MAP2K6: variants seen among roughly 807,000 people sequenced by gnomAD.
The protein encoded by MAP2K6 is dual specificity mitogen-activated protein kinase kinase 6.
A neutral mutation model predicts 53.7 loss-of-function variants in MAP2K6; 16 were observed. The observed-to-expected ratio is 0.30, with a 90% confidence interval of 0.20 to 0.45. The LOEUF is 0.45. Among genes scored for constraint, MAP2K6 ranks in the 20% least tolerant of loss-of-function variants. The pLI, the probability that MAP2K6 is intolerant of heterozygous loss-of-function variation, is 1.00. For missense variants in MAP2K6, 204 were observed against 411.9 expected, an observed-to-expected ratio of 0.50 and a Z score of 4.37; for synonymous variants, 132 against 143.1, an observed-to-expected ratio of 0.92 and a Z score of 0.55.
chr17:69,467,806 G>GT (rs1319349731), intron 1 of MAP2K6, among the ~76,000 whole-genome samples: 1 of 151,658 alleles, frequency 6.6e-6, no homozygotes, highest in Non-Finnish European at 1.5e-5. Context: ...GTCTCACTCT[G>GT]TCACTCAGGC....
At chr17:69,427,839 G>A (rs1458265203) in intron 1 of MAP2K6, among the ~76,000 whole-genome samples, 1 of 152,210 alleles carries the variant, frequency 6.6e-6, no homozygotes. Context: ...GAAAGTAGAG[G>A]AAAACAATGC....
At chr17:69,523,695 C>T in intron 8 of MAP2K6, 54 bp downstream of exon 8, 1 of 1,595,894 alleles carries the variant, frequency 6.3e-7, no homozygotes, top group East Asian at 2.2e-5. Context: ...ACAAATCATG[C>T]TGGGAAACAA....
At position 69,545,382 on chromosome 17, in the gene MAP2K6, C is replaced by T. The variant is rs1256847161; in HGVS notation, c.*3629C>T. 2 of 152,320 alleles carry T rather than the reference C, an allele frequency of 1.3e-5. No homozygotes were observed. The highest frequency in any genetic ancestry group is 2.1e-4 in the South Asian group (1 of 4,830). The allele number at this position is 152,320 out of a possible 1,614,324, so 9.4% of individuals were successfully genotyped here. The stretch of plus-strand genomic sequence containing the variant: ...GGGAATAATCTATTTTTTCTAAAGA[C>T]TGTGTTTGGTCACACTGATTTAATC... On this transcript the variant is annotated 3_prime_UTR_variant, in exon 12 of 12. Transcript: ENST00000590474.
At chr17:69,428,906 T>C (rs1906360251) in intron 1 of MAP2K6, among the ~76,000 whole-genome samples, 2 of 141,238 alleles carry the variant, frequency 1.4e-5, no homozygotes, top group Non-Finnish European at 3.0e-5. Context: ...TGGATGGTTC[T>C]AAACTGGGGT....
chr17:69,475,277 T>G (rs1908111345), intron 1 of MAP2K6, among the ~76,000 whole-genome samples: 1 of 149,760 alleles, frequency 6.7e-6, no homozygotes, highest in Non-Finnish European at 1.5e-5. Context: ...CACGCCATTC[T>G]CCTGCCTCAG....
rs1227657353 is a variant in MAP2K6 at position 69,553,631 on chromosome 17, G to A, written c.*11878G>A. The stretch of plus-strand genomic sequence containing the variant: ...TAAAACTTCACACCGTGTGTGTTGT[G>A]TTCAATGTTGTGTCAATCTACAAAC... On this transcript the variant is annotated 3_prime_UTR_variant, in exon 12 of 12. Transcript: ENST00000590474. The A allele has an allele frequency of 6.6e-6, 1 of 152,172 alleles. No homozygotes were observed. The highest frequency in any genetic ancestry group is 2.4e-5 in the African/African-American group (1 of 41,424). 9.4% of individuals were successfully genotyped at this position (152,172 alleles called of 1,614,324 possible).
At chr17:69,456,228 G>A (rs182521236) in intron 1 of MAP2K6, among the ~76,000 whole-genome samples, 34 of 152,254 alleles carry the variant, frequency 2.2e-4, no homozygotes, top group African/African-American at 8.2e-4. Flanking sequence ...CCTGTTTAGT[G>A]GACCTTCTAG....
chr17:69,526,647 G>A lies in MAP2K6; in HGVS notation c.819G>A (p.Glu273=), dbSNP rs74734606. 6.2e-7 allele frequency: 1 copy of A among 1,613,918 alleles called. No individual in the cohort carries two copies. The highest frequency in any genetic ancestry group is 8.5e-7 in the Non-Finnish European group (1 of 1,180,026). Residue 273 remains glutamate (E), a synonymous_variant, in exon 10 of 12, where the codon GAG becomes GAA. Transcript: ENST00000590474. ...AGCAGCTCAAACAGGTGGTAGAGGA[G>A]CCATCGCCACAACTCCCAGCAGACA... ...PFQQLKQVVE[E]PSPQLPADKF...
At chr17:69,450,241 C>G (rs756716300) in intron 1 of MAP2K6, among the ~76,000 whole-genome samples, 2 of 152,076 alleles carry the variant, frequency 1.3e-5, no homozygotes, top group Admixed American at 6.6e-5. Context: ...GCCTAAGCCA[C>G]CACACCTGGC....
rs974230258 is a variant in MAP2K6, at chr17:69,552,424, G to T, written c.*10671G>T. The T allele has an allele frequency of 6.6e-6, 1 of 152,234 alleles. No homozygotes were observed. The highest frequency in any genetic ancestry group is 1.5e-5 in the Non-Finnish European group (1 of 68,072). The allele number at this position is 152,234 out of a possible 1,614,324, so 9.4% of individuals were successfully genotyped here. A position where few individuals can be genotyped will look rare whatever the true frequency, so the allele number is the denominator to read the frequency against. Reference sequence around the variant, plus strand: ...TTGAGGCTCCCATCTTTCCTGCCAGGTGCAGCTTTTTCTGGTTGGAATCAT... The same window carrying T: ...TTGAGGCTCCCATCTTTCCTGCCAGTTGCAGCTTTTTCTGGTTGGAATCAT... On this transcript the variant is annotated 3_prime_UTR_variant, in exon 12 of 12. Coordinates refer to ENST00000590474, the MANE Select transcript of MAP2K6 (RefSeq NM_002758.4).
chr17:69,502,763 C>A, intron 1 of MAP2K6: 1 of 921,576 alleles, frequency 1.1e-6, no homozygotes, highest in Non-Finnish European at 1.3e-6. Flanking sequence ...CAAAGGCCTT[C>A]TCCTCCCACT....
At chr17:69,510,455 A>T (rs1201550399) in intron 2 of MAP2K6, among the ~76,000 whole-genome samples, 1 of 152,182 alleles carries the variant, frequency 6.6e-6, no homozygotes, top group Non-Finnish European at 1.5e-5. Flanking sequence ...TAGTTTTAGT[A>T]TTAAGGTAAT....
At chr17:69,477,699 G>T (rs1908200136) in intron 1 of MAP2K6, 1 of 152,160 alleles carries the variant, frequency 6.6e-6, no homozygotes, top group South Asian at 2.1e-4. Context: ...TAATACTTTG[G>T]TTTATTTACC....
At chr17:69,537,242 G>C (rs1025171613) in intron 11 of MAP2K6, among the ~76,000 whole-genome samples, 1 of 152,276 alleles carries the variant, frequency 6.6e-6, no homozygotes. Context: ...ACATTTTTGG[G>C]GGGGAGAAAT....
chr17:69,449,908 C>T (rs1247140929), intron 1 of MAP2K6, among the ~76,000 whole-genome samples: 2 of 150,708 alleles, frequency 1.3e-5, no homozygotes, highest in African/African-American at 2.4e-5. Flanking sequence ...CCACCGCGCC[C>T]GGCCTCTTTC....
chr17:69,495,617 A>AGCT (rs1454612112), intron 1 of MAP2K6, among the ~76,000 whole-genome samples: 2 of 152,128 alleles, frequency 1.3e-5, no homozygotes, highest in African/African-American at 4.8e-5. Flanking sequence ...GACAATGACC[A>AGCT]GCTCATGGCC....
At chr17:69,458,714 C>T (rs72856058) in intron 1 of MAP2K6, among the ~76,000 whole-genome samples, 15,117 of 152,228 alleles carry the variant, frequency 0.099, 923 homozygotes, top group South Asian at 0.16. Context: ...AGTGTCTCCA[C>T]GTTTCAGGAA....
At chr17:69,477,680 A>C (rs1908199393) in intron 1 of MAP2K6, 1 of 152,202 alleles carries the variant, frequency 6.6e-6, no homozygotes, top group Non-Finnish European at 1.5e-5. Flanking sequence ...CTCCACTCTT[A>C]TCTAGTTGTA....
At chr17:69,438,918 G>T (rs1021540081) in intron 1 of MAP2K6, among the ~76,000 whole-genome samples, 40 of 152,252 alleles carry the variant, frequency 2.6e-4, no homozygotes, top group Non-Finnish European at 4.9e-4. Context: ...CGAGTCAAAA[G>T]AATATTTTAT....
Sources: allele counts gnomAD v4.1 joint callset (sites outside exome capture counted in the v4.1 genomes callset), GRCh38; gene constraint gnomAD v4.1.1; transcripts MANE v1.5; gene names NCBI Gene and HGNC (gene_info 2026-07-23, HGNC 2026-07-21).